The following SARNP variants were observed in gnomAD, a reference collection of about 807,000 sequenced individuals.
SARNP encodes the protein SAP domain-containing ribonucleoprotein.
A neutral mutation model predicts 38.1 loss-of-function variants in SARNP; 5 were observed. The ratio of observed to expected loss-of-function variants is 0.13; its 90% CI spans 0.07 to 0.28. The LOEUF is 0.28. SARNP is among the 10% of genes least tolerant of loss of function. The pLI is 1.00. For synonymous variants in SARNP, 84 were observed against 80.6 expected (o/e 1.04, Z -0.23); for missense variants, 180 against 243.9 (o/e 0.74, Z 1.75).
intron 9 of SARNP, among the ~76,000 whole-genome samples, chr12:55,764,812 C>G (rs1186786580): frequency 7.9e-6 from 1 of 127,356 alleles, no homozygotes; most frequent in East Asian, 2.2e-4. Flanking sequence ...AGCCTGGCAA[C>G]AGAGCCAGAC....
At chr12:55,816,204 A>G (rs879499933) in intron 1 of SARNP, among the ~76,000 whole-genome samples, 1 of 152,262 alleles carries the variant, frequency 6.6e-6, no homozygotes, top group Non-Finnish European at 1.5e-5. Context: ...GATTTCAAAA[A>G]TAGGACAAAT....
intron 10 of SARNP, among the ~76,000 whole-genome samples, chr12:55,758,517 C>T (rs766007203): frequency 2.6e-5 from 4 of 152,082 alleles, no homozygotes; most frequent in Admixed American, 2.6e-4. Flanking sequence ...TGGTGGCACA[C>T]GCCTGTAATC....
intron 10 of SARNP, among the ~76,000 whole-genome samples, chr12:55,759,305 C>G (rs1878604063): frequency 1.3e-5 from 2 of 152,058 alleles, no homozygotes; most frequent in African/African-American, 2.4e-5. Context: ...TCGTTTCACT[C>G]TTTAAATAAA....
At chr12:55,763,308 C>CTT (rs34618547) in intron 9 of SARNP, among the ~76,000 whole-genome samples, 9 of 146,086 alleles carry the variant, frequency 6.2e-5, no homozygotes, top group Admixed American at 6.8e-5. Context: ...TCATTTACTA[C>CTT]TTTTTTTTTT....
intron 9 of SARNP, among the ~76,000 whole-genome samples, chr12:55,784,445 G>T (rs959793589): frequency 6.6e-6 from 1 of 152,168 alleles, no homozygotes; most frequent in Non-Finnish European, 1.5e-5. Flanking sequence ...GTACCCAGCT[G>T]CAATTCCAGG....
intron 1 of SARNP, 71 bp downstream of exon 1, chr12:55,817,594 GA>G: frequency 6.9e-7 from 1 of 1,440,124 alleles, no homozygotes; most frequent in Admixed American, 2.0e-5. Flanking sequence ...AGACGTAGGA[GA>G]AGGCGCAAGC....
intron 1 of SARNP, among the ~76,000 whole-genome samples, chr12:55,816,519 T>A (rs1244775234): frequency 1.3e-5 from 2 of 152,146 alleles, no homozygotes; most frequent in Admixed American, 6.5e-5. Context: ...GAAAGACTAA[T>A]TGGGGTCAAC....
intron 2 of SARNP, among the ~76,000 whole-genome samples, chr12:55,802,791 C>G (rs180762149): frequency 6.6e-6 from 1 of 151,114 alleles, no homozygotes; most frequent in South Asian, 2.1e-4. Context: ...GTAGCAGAGG[C>G]TTGGTGGCAA....
chr12:55,790,194 A>T (rs1465809904), intron 8 of SARNP, among the ~76,000 whole-genome samples: 6 of 151,058 alleles, frequency 4.0e-5, no homozygotes, highest in Non-Finnish European at 8.8e-5. Context: ...AAAAAGCACT[A>T]TCTACAAACA....
chr12:55,760,940 G>C (rs1235791228), intron 9 of SARNP, among the ~76,000 whole-genome samples: 1 of 152,148 alleles, frequency 6.6e-6, no homozygotes, highest in Non-Finnish European at 1.5e-5. Flanking sequence ...ACTTTGGGAG[G>C]CTGAGGCGGG....
chr12:55,799,224 A>T (rs1879907207), intron 4 of SARNP, among the ~76,000 whole-genome samples: 1 of 152,252 alleles, frequency 6.6e-6, no homozygotes, highest in African/African-American at 2.4e-5. Context: ...CTATGTACTG[A>T]CTTTTTACTT....
chr12:55,791,346 G>GCC (rs1879662521), intron 7 of SARNP, among the ~76,000 whole-genome samples: 1 of 152,168 alleles, frequency 6.6e-6, no homozygotes, highest in Admixed American at 6.6e-5. Context: ...TCTCAGTAAA[G>GCC]CTATTAAAAA....
At chr12:55,774,486 T>G (rs1304541212) in intron 9 of SARNP, among the ~76,000 whole-genome samples, 5 of 145,332 alleles carry the variant, frequency 3.4e-5, no homozygotes, top group Non-Finnish European at 7.4e-5. Context: ...TTGGGAGGCC[T>G]ACGTGGGTGG....
chr12:55,778,949 C>G (rs1290418459), intron 9 of SARNP, among the ~76,000 whole-genome samples: 2 of 152,010 alleles, frequency 1.3e-5, no homozygotes, highest in Non-Finnish European at 2.9e-5. Flanking sequence ...CCAGCCTGGG[C>G]GACAGGGCGA....
intron 9 of SARNP, among the ~76,000 whole-genome samples, chr12:55,782,487 G>A (rs941839956): frequency 1.5e-4 from 23 of 152,124 alleles, no homozygotes; most frequent in Admixed American, 1.3e-4. Flanking sequence ...ACAGTACTAA[G>A]CCCAGACTTA....
At chr12:55,754,644 T>C (rs1878446848), downstream of SARNP, 1 of 152,350 alleles carries the variant, frequency 6.6e-6, no homozygotes, top group East Asian at 1.9e-4. Flanking sequence ...GAAAGAAATA[T>C]GTATTTCCAC....
At position 55,800,907 on chromosome 12, in the gene SARNP, A is replaced by G; in HGVS notation, c.137-7T>C. 1 of 1,609,360 alleles carries G rather than the reference A, an allele frequency of 6.2e-7. No individual in the cohort carries two copies. Among genetic ancestry groups the G allele is most frequent in the Non-Finnish European group, 8.5e-7 (1 of 1,175,808 alleles). On this transcript the variant is annotated splice_region_variant and splice_polypyrimidine_tract_variant and intron_variant, in intron 2 of 10. Coordinates refer to ENST00000336133, the MANE Select transcript of SARNP (RefSeq NM_033082.4). ...TCATTTGCCTCCTCTTCAGCTAAAG[A>G]ATATTAAAATATTCAGGTCAAGCCC...
At chr12:55,780,052 G>A (rs1879295843) in intron 9 of SARNP, among the ~76,000 whole-genome samples, 1 of 152,206 alleles carries the variant, frequency 6.6e-6, no homozygotes, top group South Asian at 2.1e-4. Flanking sequence ...GGAGGCTGAG[G>A]TGGGAGGGTC....
intron 9 of SARNP, among the ~76,000 whole-genome samples, chr12:55,782,821 A>G (rs992677672): frequency 6.6e-6 from 1 of 152,184 alleles, no homozygotes; most frequent in Non-Finnish European, 1.5e-5. Context: ...CTCCTTTCCA[A>G]GATGAGTTTC....
Sources: gnomAD v4.1 joint callset for allele counts (sites outside exome capture counted in the v4.1 genomes callset) on GRCh38, gnomAD v4.1.1 for gene constraint, MANE v1.5 for transcripts, NCBI Gene and HGNC (gene_info 2026-07-23, HGNC 2026-07-21) for gene names.